TTLL7: variants seen among roughly 807,000 people sequenced by gnomAD.
TTLL7 encodes the protein tubulin polyglutamylase TTLL7.
TTLL7 carries 53 observed loss-of-function variants against 120.2 expected under a neutral mutation model. The ratio of observed to expected loss-of-function variants is 0.44; its 90% CI spans 0.35 to 0.55. TTLL7 has a LOEUF of 0.55. TTLL7 is among the 20% of genes least tolerant of loss of function. The pLI is 0.00. For missense variants in TTLL7, 803 were observed against 1,054.7 expected (o/e 0.76, Z 3.31); for synonymous variants, 353 against 351.7 (o/e 1.00, Z -0.04).
intron 16 of TTLL7, among the ~76,000 whole-genome samples, chr1:83,907,187 G>A (rs115841485): frequency 0.042 from 6,332 of 152,046 alleles, 156 homozygotes; most frequent in Middle Eastern, 0.099. Context: ...GTAATTTTCA[G>A]TAATATTATC....
At chr1:83,951,816 AT>A (rs144971611) in intron 3 of TTLL7, 28 bp downstream of exon 3, 50,253 of 1,581,616 alleles carry the variant, frequency 0.032, 968 homozygotes, top group African/African-American at 0.069. Flanking sequence ...AATTATGAGA[AT>A]CCCATGATTG....
rs1279605138 is a variant in TTLL7 at position 83,898,215 on chromosome 1, T to G, written c.2208+5864A>C. Among the ~76,000 whole-genome samples the G allele has an allele frequency of 2.6e-5, 4 of 152,148 alleles. No individual in the cohort carries two copies. In the East Asian group the frequency reaches 7.8e-4, roughly 30 times the overall value. On this transcript the variant is annotated intron_variant, in intron 18 of 20. Coordinates refer to ENST00000260505, the MANE Select transcript of TTLL7 (RefSeq NM_024686.6). The stretch of plus-strand genomic sequence containing the variant: ...CAACAGACAATTTTTATACATCATT[T>G]TTATATATTCTATACAAAAGAATAC...
At chr1:83,899,257 A>ATG (rs1656502396) in intron 18 of TTLL7, among the ~76,000 whole-genome samples, 1 of 151,922 alleles carries the variant, frequency 6.6e-6, no homozygotes, top group Non-Finnish European at 1.5e-5. Flanking sequence ...TTCACTATAT[A>ATG]TCTGAGAAAT....
intron 20 of TTLL7, among the ~76,000 whole-genome samples, chr1:83,872,077 T>G (rs923463684): frequency 6.6e-6 from 1 of 152,182 alleles, no homozygotes; most frequent in African/African-American, 2.4e-5. Flanking sequence ...ATGAATTATG[T>G]AGAAAGAAAT....
At chr1:83,886,687 G>A (rs952640880) in intron 19 of TTLL7, among the ~76,000 whole-genome samples, 2 of 151,968 alleles carry the variant, frequency 1.3e-5, no homozygotes, top group African/African-American at 4.8e-5. Context: ...CTTCTTTAGG[G>A]TTTACATATT....
chr1:83,924,428 C>T (rs950226542), intron 10 of TTLL7, among the ~76,000 whole-genome samples: 2 of 152,160 alleles, frequency 1.3e-5, no homozygotes, highest in Admixed American at 1.3e-4. Flanking sequence ...CATTGAAGAA[C>T]TTGAAAACAT....
intron 8 of TTLL7, among the ~76,000 whole-genome samples, chr1:83,936,478 A>G (rs1035207609): frequency 6.6e-6 from 1 of 152,222 alleles, no homozygotes; most frequent in Non-Finnish European, 1.5e-5. Flanking sequence ...ATGGTCCAAA[A>G]TTAATGAATT....
chr1:83,986,899 A>G (rs1019935219), intron 1 of TTLL7, among the ~76,000 whole-genome samples: 1 of 152,210 alleles, frequency 6.6e-6, no homozygotes, highest in Non-Finnish European at 1.5e-5. Context: ...TTTATTGAAC[A>G]TAGTACAGGA....
chr1:83,982,318 A>G (rs2100609593), intron 1 of TTLL7, among the ~76,000 whole-genome samples: 1 of 152,320 alleles, frequency 6.6e-6, no homozygotes, highest in South Asian at 2.1e-4. Flanking sequence ...ATTAGAAAAG[A>G]GAAACACTCT....
chr1:83,945,570 A>G (rs998674331), intron 6 of TTLL7, among the ~76,000 whole-genome samples: 2 of 152,212 alleles, frequency 1.3e-5, no homozygotes, highest in Non-Finnish European at 2.9e-5. Context: ...ATTAGCAAGG[A>G]AACAGATACA....
chr1:83,881,880 C>T (rs61768015), intron 20 of TTLL7, among the ~76,000 whole-genome samples: 4 of 148,176 alleles, frequency 2.7e-5, no homozygotes, highest in African/African-American at 7.5e-5. Context: ...AAATGTGGCA[C>T]ATATACACCA....
At chr1:83,879,941 A>T (rs1654296628) in intron 20 of TTLL7, 1 of 152,018 alleles carries the variant, frequency 6.6e-6, no homozygotes, top group Non-Finnish European at 1.5e-5. Flanking sequence ...TTGTGTACCC[A>T]CAAAAGCTAC....
At chr1:83,954,018 T>C (rs1169220936) in intron 1 of TTLL7, among the ~76,000 whole-genome samples, 1 of 152,200 alleles carries the variant, frequency 6.6e-6, no homozygotes, top group Non-Finnish European at 1.5e-5. Flanking sequence ...TAAAGTTTAG[T>C]TCAGTTTCTT....
chr1:83,987,398 A>G (rs1157911745), intron 1 of TTLL7, among the ~76,000 whole-genome samples: 1 of 152,230 alleles, frequency 6.6e-6, no homozygotes, highest in African/African-American at 2.4e-5. Context: ...ATCAACGTAT[A>G]GGTTTAACAC....
chr1:83,981,851 C>T (rs542055731), intron 1 of TTLL7, among the ~76,000 whole-genome samples: 107 of 149,842 alleles, frequency 7.1e-4, no homozygotes, highest in African/African-American at 2.6e-3. Flanking sequence ...AAAAAATCAA[C>T]GAAGTTAGCT....
intron 8 of TTLL7, among the ~76,000 whole-genome samples, chr1:83,935,170 T>TA (rs1647273892): frequency 6.6e-6 from 1 of 151,942 alleles, no homozygotes; most frequent in Admixed American, 6.6e-5. Context: ...CCATAGCATA[T>TA]AAAATAAAAG....
intron 19 of TTLL7, among the ~76,000 whole-genome samples, chr1:83,884,044 ATGTGTG>A (rs1237919996): frequency 6.6e-6 from 1 of 150,984 alleles, no homozygotes; most frequent in Non-Finnish European, 1.5e-5. Flanking sequence ...GTGTGTGTGT[ATGTGTG>A]TGTGTGTTAA....
At chr1:83,914,264 C>T (rs1250642236) in intron 14 of TTLL7, among the ~76,000 whole-genome samples, 1 of 150,750 alleles carries the variant, frequency 6.6e-6, no homozygotes, top group African/African-American at 2.4e-5. Flanking sequence ...AGTATCATAA[C>T]TCCATATCTT....
intron 7 of TTLL7, 64 bp from the exon 8 acceptor site, chr1:83,938,080 G>A (rs2100832972): frequency 3.3e-6 from 5 of 1,493,928 alleles, no homozygotes; most frequent in South Asian, 2.4e-5. Context: ...AAGTTTCAGA[G>A]GAAAAAAAGA....
Sources: allele counts gnomAD v4.1 joint callset (sites outside exome capture counted in the v4.1 genomes callset), GRCh38; gene constraint gnomAD v4.1.1; transcripts MANE v1.5; gene names NCBI Gene and HGNC (gene_info 2026-07-23, HGNC 2026-07-21).